The following LARGE1 variants were observed in gnomAD, a reference collection of about 807,000 sequenced individuals.
LARGE1 encodes the protein LARGE xylosyl- and glucuronyltransferase 1.
A neutral mutation model predicts 87.6 loss-of-function variants in LARGE1; 43 were observed. The observed-to-expected ratio is 0.49, with a 90% CI of 0.38 to 0.63. The LOEUF is 0.63. LARGE1 is among the 30% of genes least tolerant of loss of function. LARGE1 has a pLI of 0.00. For synonymous variants in LARGE1, 434 were observed against 394.6 expected (o/e 1.10, Z -1.18); for missense variants, 802 against 1,000.2 (o/e 0.80, Z 2.67).
chr22:33,246,320 A>G (rs1926755607), intron 11 of LARGE1, among the ~76,000 whole-genome samples: 1 of 152,160 alleles, frequency 6.6e-6, no homozygotes, highest in African/African-American at 2.4e-5. Context: ...ATCAAGTAAC[A>G]CTTTGGGATA....
chr22:33,480,070 T>C (rs1285680795), intron 6 of LARGE1, among the ~76,000 whole-genome samples: 2 of 152,122 alleles, frequency 1.3e-5, no homozygotes, highest in Non-Finnish European at 2.9e-5. Context: ...GGTCAAGCAA[T>C]GTACAAAGTT....
intron 11 of LARGE1, among the ~76,000 whole-genome samples, chr22:33,242,714 G>T (rs1036009128): frequency 6.6e-6 from 1 of 152,158 alleles, no homozygotes; most frequent in African/African-American, 2.4e-5. Context: ...GTATGAGTTT[G>T]CTAGGGCTGC....
intron 2 of LARGE1, among the ~76,000 whole-genome samples, chr22:33,749,148 C>T (rs1257287518): frequency 1.3e-5 from 2 of 152,160 alleles, no homozygotes; most frequent in African/African-American, 2.4e-5. Flanking sequence ...GAGTTTCGCT[C>T]TTGTTGCCCA....
intron 1 of LARGE1, among the ~76,000 whole-genome samples, chr22:33,786,415 C>T (rs1287408548): frequency 2.0e-5 from 3 of 152,202 alleles, no homozygotes; most frequent in African/African-American, 7.2e-5. Context: ...GATTTGGTCC[C>T]TGGAATTCCA....
intron 1 of LARGE1, among the ~76,000 whole-genome samples, chr22:33,770,167 A>G (rs766402687): frequency 2.6e-5 from 4 of 152,238 alleles, no homozygotes; most frequent in Non-Finnish European, 5.9e-5. Context: ...TGTAGCTAAT[A>G]ATCTTTTTGC....
the LARGE1 span, among the ~76,000 whole-genome samples, chr22:33,139,779 C>A: frequency 6.6e-6 from 1 of 152,196 alleles, no homozygotes; most frequent in Non-Finnish European, 1.5e-5. Flanking sequence ...TTTAAGGGAA[C>A]CCTTAGGCTT....
At chr22:33,194,592 C>A (rs539215759) in intron 11 of LARGE1, among the ~76,000 whole-genome samples, 7 of 152,264 alleles carry the variant, frequency 4.6e-5, no homozygotes, top group African/African-American at 1.7e-4. Flanking sequence ...ATGTTAAGAA[C>A]TTCTGTCCAT....
At chr22:33,475,925 G>A (rs1222546498) in intron 6 of LARGE1, among the ~76,000 whole-genome samples, 1 of 152,168 alleles carries the variant, frequency 6.6e-6, no homozygotes, top group Non-Finnish European at 1.5e-5. Flanking sequence ...TAAATCTTGG[G>A]ACCCCAAAAT....
intron 9 of LARGE1, among the ~76,000 whole-genome samples, chr22:33,360,087 G>C (rs974800700): frequency 4.7e-5 from 7 of 149,840 alleles, no homozygotes; most frequent in Middle Eastern, 3.5e-3. Context: ...ACTGAGGTGG[G>C]CAGATCACTT....
chr22:33,683,633 GCAGACAGACAGA>G (rs562952782), intron 2 of LARGE1, among the ~76,000 whole-genome samples: 1 of 151,944 alleles, frequency 6.6e-6, no homozygotes, highest in Non-Finnish European at 1.5e-5. Flanking sequence ...AGGCAGGCAG[GCAGACAGACAGA>G]CAGACAGACA....
At chr22:33,260,726 C>A (rs73397564) in intron 11 of LARGE1, among the ~76,000 whole-genome samples, 1 of 152,256 alleles carries the variant, frequency 6.6e-6, no homozygotes, top group South Asian at 2.1e-4. Flanking sequence ...TGAGAAAACC[C>A]GTGGAAGATT....
At chr22:33,130,181 G>A in the LARGE1 span, among the ~76,000 whole-genome samples, 1 of 151,362 alleles carries the variant, frequency 6.6e-6, no homozygotes, top group Non-Finnish European at 1.5e-5. Flanking sequence ...GGGCGTGGTG[G>A]TGGGCGCCTG....
chr22:33,192,941 T>A (rs1923862487), intron 11 of LARGE1, among the ~76,000 whole-genome samples: 1 of 152,250 alleles, frequency 6.6e-6, no homozygotes, highest in Non-Finnish European at 1.5e-5. Context: ...CCTCAATGTG[T>A]GTTCTTGGTA....
intron 1 of LARGE1, among the ~76,000 whole-genome samples, chr22:33,898,529 C>T (rs1026139082): frequency 2.0e-5 from 3 of 152,174 alleles, no homozygotes; most frequent in South Asian, 2.1e-4. Context: ...CCGAGGCAGG[C>T]GGATCGCCTG....
At chr22:33,828,821 T>C (rs1000020135) in intron 1 of LARGE1, among the ~76,000 whole-genome samples, 2 of 152,148 alleles carry the variant, frequency 1.3e-5, no homozygotes, top group Admixed American at 1.3e-4. Context: ...TGCATAAATT[T>C]GGTGTATAGC....
At chr22:33,498,830 G>A (rs2070285856) in intron 6 of LARGE1, among the ~76,000 whole-genome samples, 1 of 152,094 alleles carries the variant, frequency 6.6e-6, no homozygotes, top group Non-Finnish European at 1.5e-5. Context: ...AATTAGCCGG[G>A]AGTGGTGGCG....
At chr22:33,252,645 C>A (rs1404919945) in intron 11 of LARGE1, among the ~76,000 whole-genome samples, 7 of 148,354 alleles carry the variant, frequency 4.7e-5, no homozygotes, top group Non-Finnish European at 1.0e-4. Context: ...TTTTAACATT[C>A]TAACATTTGC....
intron 11 of LARGE1, among the ~76,000 whole-genome samples, chr22:33,305,109 C>T (rs1670511841): frequency 6.6e-6 from 1 of 152,140 alleles, no homozygotes; most frequent in South Asian, 2.1e-4. Flanking sequence ...TGGCCTCTTA[C>T]ACTTAGAGGC....
chr22:33,203,057 A>T (rs1924476866), intron 11 of LARGE1, among the ~76,000 whole-genome samples: 1 of 149,298 alleles, frequency 6.7e-6, no homozygotes, highest in African/African-American at 2.5e-5. Flanking sequence ...CTAGAAAAAT[A>T]GAATCTAAAC....
Sources: gnomAD v4.1 joint callset for allele counts (sites outside exome capture counted in the v4.1 genomes callset) on GRCh38, gnomAD v4.1.1 for gene constraint, MANE v1.5 for transcripts, NCBI Gene and HGNC (gene_info 2026-07-23, HGNC 2026-07-21) for gene names.